The following NEMF variants were observed in gnomAD, a reference collection of about 807,000 sequenced individuals.
The protein encoded by NEMF is nuclear export mediator factor, also known as ribosome quality control complex subunit NEMF.
In NEMF, 89 loss-of-function variants were observed where a neutral mutation model predicts 162.2. The ratio of observed to expected loss-of-function variants is 0.55; its 90% confidence interval spans 0.46 to 0.65. The LOEUF (loss-of-function observed/expected upper bound fraction) is 0.65. Among genes scored for constraint, NEMF ranks in the 30% least tolerant of loss-of-function variants. The pLI is 0.00. For synonymous variants in NEMF, 421 were observed against 404.5 expected, an observed-to-expected ratio of 1.04 and a Z score of -0.49; for missense variants, 1,133 against 1,261.9, an observed-to-expected ratio of 0.90 and a Z score of 1.55.
chr14:49,799,617 A>G lies in NEMF; in HGVS notation c.2415+19T>C. 1.2e-6 allele frequency: 2 copies of G among 1,605,902 alleles called. No individual in the cohort carries two copies. Among genetic ancestry groups the G allele is most frequent in the Non-Finnish European group, 1.7e-6 (2 of 1,177,452 alleles). Reference sequence around the variant, plus strand: ...TCACTGAGAATCGGATGTTCTTCATAAAACTGAAAATAGCTTACAGAATTA... The same window carrying G: ...TCACTGAGAATCGGATGTTCTTCATGAAACTGAAAATAGCTTACAGAATTA... On this transcript the variant is annotated intron_variant, in intron 24 of 32. Coordinates refer to ENST00000298310, the MANE Select transcript of NEMF (RefSeq NM_004713.6).
chr14:49,786,852 G>A, intron 28 of NEMF, 102 bp from the exon 29 acceptor site: 1 of 1,087,406 alleles, frequency 9.2e-7, no homozygotes, highest in Non-Finnish European at 1.4e-6. Context: ...CAACCAGACT[G>A]TCATTTCTGA....
chr14:49,783,054 G>A lies in NEMF; in HGVS notation c.*1582C>T. 1.6e-6 allele frequency: 2 copies of A among 1,285,230 alleles called. No individual in the cohort carries two copies. Among genetic ancestry groups the A allele is most frequent in the East Asian group, 4.9e-5 (2 of 40,838 alleles). The allele number at this position is 1,285,230 out of a possible 1,614,324, so 79.6% of individuals were successfully genotyped here. On this transcript the variant is annotated 3_prime_UTR_variant, in exon 33 of 33. Coordinates refer to ENST00000298310, the MANE Select transcript of NEMF (RefSeq NM_004713.6). ...ATAATTATATGCATTGTTGTAGTTT[G>A]CACCTGTTGGTTTTAATGTGCATGT... is the stretch of plus-strand genomic sequence containing the variant.
intron 16 of NEMF, among the ~76,000 whole-genome samples, chr14:49,824,053 C>T (rs1412000153): frequency 6.6e-6 from 1 of 152,050 alleles, no homozygotes; most frequent in Non-Finnish European, 1.5e-5. Flanking sequence ...ACCTGTAATC[C>T]CAGCTACTCG....
At chr14:49,806,803 G>A (rs566068412) in intron 18 of NEMF, among the ~76,000 whole-genome samples, 1 of 152,046 alleles carries the variant, frequency 6.6e-6, no homozygotes, top group Non-Finnish European at 1.5e-5. Context: ...AAATAGATTG[G>A]CTGAATCATG....
At chr14:49,842,226 A>G in intron 4 of NEMF, among the ~76,000 whole-genome samples, 1 of 151,682 alleles carries the variant, frequency 6.6e-6, no homozygotes, top group Admixed American at 6.6e-5. Flanking sequence ...TAGTAGAAAG[A>G]GGTTACCTAA....
At position 49,784,595 on chromosome 14, in the gene NEMF, T is replaced by C; in HGVS notation, c.*41A>G. The C allele has an allele frequency of 1.4e-6, 2 of 1,418,854 alleles. No individual in the cohort carries two copies. The highest frequency in any genetic ancestry group is 2.0e-6 in the Non-Finnish European group (2 of 1,011,712). The allele number at this position is 1,418,854 out of a possible 1,614,324, so 87.9% of individuals were successfully genotyped here. A position where few individuals can be genotyped will look rare whatever the true frequency, so the allele number is the denominator to read the frequency against. On this transcript the variant is annotated 3_prime_UTR_variant, in exon 33 of 33. Coordinates refer to ENST00000298310, the MANE Select transcript of NEMF (RefSeq NM_004713.6). ...TCATCTTTGAACTTCCAAAAGGCTA[T>C]AAAATTGGCTCTTCTCAAATATTTT... is the stretch of plus-strand genomic sequence containing the variant.
chr14:49,826,067 C>T, intron 15 of NEMF, 112 bp from the exon 16 acceptor site: 1 of 500,662 alleles, frequency 2.0e-6, no homozygotes, highest in Non-Finnish European at 3.6e-6. Flanking sequence ...GCACAATCTA[C>T]ACACACACAC....
At chr14:49,822,554 G>A (rs181726088) in intron 16 of NEMF, among the ~76,000 whole-genome samples, 1 of 150,822 alleles carries the variant, frequency 6.6e-6, no homozygotes, top group Non-Finnish European at 1.5e-5. Context: ...GCAGGGCCAG[G>A]CATGGTGGCT....
chr14:49,843,022 A>T lies in NEMF; in HGVS notation c.358-2156T>A, dbSNP rs75042483. Among the ~76,000 whole-genome samples, 818 of 151,638 alleles carry T rather than the reference A, an allele frequency of 5.4e-3. 11 individuals are homozygous for T. The highest frequency in any genetic ancestry group is 0.019 in the African/African-American group (778 of 41,324). On this transcript the variant is annotated intron_variant, in intron 4 of 32. Transcript: ENST00000298310. ...TTATTCTCAAAAAAAATTAAAAAAT[A>T]AAAAAAAAGAAAGAGTAAAAACTCA...
At chr14:49,786,920 T>C in intron 28 of NEMF, 170 bp from the exon 29 acceptor site, 2 of 597,840 alleles carry the variant, frequency 3.3e-6, no homozygotes, top group South Asian at 4.2e-5. Context: ...AGTGGATTCG[T>C]ATATGTGTTT....
rs754506773 is a variant in NEMF at position 49,834,345 on chromosome 14, T to C, written c.661+18A>G. On this transcript the variant is annotated intron_variant, in intron 7 of 32. Coordinates refer to ENST00000298310, the MANE Select transcript of NEMF (RefSeq NM_004713.6). The stretch of plus-strand genomic sequence containing the variant: ...TAAAAAAAATGAAATAAATGAAAAA[T>C]GTACCATGCAGACATACCTTTAGTT... 12 of 1,501,566 alleles carry C rather than the reference T, an allele frequency of 8.0e-6. No homozygotes were observed. The Admixed American group carries it at 9.4e-5, about 12-fold the overall frequency. 93.0% of individuals were successfully genotyped at this position (1,501,566 alleles called of 1,614,324 possible).
chr14:49,819,587 G>C (rs1212575811), intron 16 of NEMF, among the ~76,000 whole-genome samples: 2 of 151,790 alleles, frequency 1.3e-5, no homozygotes, highest in Non-Finnish European at 2.9e-5. Flanking sequence ...GCTAATTTTT[G>C]TATTTTTGTA....
chr14:49,834,328 A>T, intron 7 of NEMF, 35 bp downstream of exon 7: 1 of 1,425,696 alleles, frequency 7.0e-7, no homozygotes, highest in Non-Finnish European at 9.8e-7. Flanking sequence ...TTTAAAAAAA[A>T]TGAAATAAAT....
At chr14:49,814,699 G>C (rs1453218187) in intron 17 of NEMF, 55 bp downstream of exon 17, 3 of 907,784 alleles carry the variant, frequency 3.3e-6, no homozygotes, top group Admixed American at 2.5e-5. Context: ...CTAATATTGA[G>C]ATAACTGATC....
At chr14:49,837,655 T>G (rs1448032169) in intron 6 of NEMF, among the ~76,000 whole-genome samples, 1 of 152,020 alleles carries the variant, frequency 6.6e-6, no homozygotes, top group Non-Finnish European at 1.5e-5. Flanking sequence ...AACTCTCTAG[T>G]GCTCAGTAAT....
At chr14:49,786,628 T>C in intron 29 of NEMF, 90 bp downstream of exon 29, 1 of 1,291,526 alleles carries the variant, frequency 7.7e-7, no homozygotes, top group Non-Finnish European at 1.1e-6. Context: ...TGTCTTAGGT[T>C]TCTAAGTTTT....
At chr14:49,788,695 C>T (rs927679421) in intron 28 of NEMF, among the ~76,000 whole-genome samples, 9 of 151,920 alleles carry the variant, frequency 5.9e-5, no homozygotes, top group Non-Finnish European at 1.2e-4. Flanking sequence ...GCTGAGACTA[C>T]AGGCGCTCAC....
At chr14:49,784,760 T>C in intron 32 of NEMF, 47 bp from the exon 33 acceptor site, 1 of 1,523,164 alleles carries the variant, frequency 6.6e-7, no homozygotes, top group Non-Finnish European at 9.0e-7. Context: ...GTATGGTCAA[T>C]CATGTTTCTT....
chr14:49,793,904 CACT>C (rs1890567749), intron 26 of NEMF, among the ~76,000 whole-genome samples: 4 of 13,402 alleles, frequency 3.0e-4, no homozygotes, highest in Admixed American at 1.4e-3. Context: ...TTTCTGTCAT[CACT>C]TTTTTTTTTT....
Sources: gnomAD v4.1 joint callset for allele counts (sites outside exome capture counted in the v4.1 genomes callset) on GRCh38, gnomAD v4.1.1 for gene constraint, MANE v1.5 for transcripts, NCBI Gene and HGNC (gene_info 2026-07-23, HGNC 2026-07-21) for gene names.